Variants in ADAMTS16 observed in about 807,000 individuals in gnomAD.
ADAMTS16 encodes A disintegrin and metalloproteinase with thrombospondin motifs 16.
ADAMTS16 carries 94 observed loss-of-function variants against 145.8 expected under a neutral mutation model. That is an observed-to-expected ratio of 0.64 (90% CI 0.55 to 0.77). The LOEUF is 0.77. Among genes scored for constraint, ADAMTS16 ranks in the 30% least tolerant of loss-of-function variants. ADAMTS16 has a pLI of 0.00. For missense variants in ADAMTS16, 1,585 were observed against 1,591.5 expected (o/e 1.00, Z 0.07); for synonymous variants, 659 against 604.3 (o/e 1.09, Z -1.33).
At chr5:5,287,259 G>A (rs979404257) in intron 18 of ADAMTS16, among the ~76,000 whole-genome samples, 2 of 152,206 alleles carry the variant, frequency 1.3e-5, no homozygotes, top group African/African-American at 4.8e-5. Context: ...CAGAAAAACT[G>A]TCTGCAGCGT....
intron 8 of ADAMTS16, 97 bp from the exon 9 acceptor site, chr5:5,200,035 A>G: frequency 1.5e-6 from 2 of 1,376,422 alleles, no homozygotes; most frequent in Non-Finnish European, 1.9e-6. Context: ...GGGGTGAGGG[A>G]GTCTCACAGT....
At chr5:5,186,440 C>CAAA (rs1735501631) in intron 5 of ADAMTS16, among the ~76,000 whole-genome samples, 189 bp downstream of exon 5, 1 of 151,972 alleles carries the variant, frequency 6.6e-6, no homozygotes, top group Non-Finnish European at 1.5e-5. Flanking sequence ...GAGCCATTTT[C>CAAA]AGAACTTCAT....
At chr5:5,246,183 A>C (rs1737433408) in intron 17 of ADAMTS16, among the ~76,000 whole-genome samples, 1 of 152,212 alleles carries the variant, frequency 6.6e-6, no homozygotes, top group Admixed American at 6.5e-5. Flanking sequence ...ATTCCAAATC[A>C]CTAATCTTCA....
rs76163221 is a variant in ADAMTS16 at position 5,317,197 on chromosome 5, C to T, written c.3412-937C>T. On this transcript the variant is annotated intron_variant, in intron 21 of 22. Transcript: ENST00000274181. This position sits in a 1 kb window ranked among gnomAD's most constrained non-coding sequence, Gnocchi z 4.5. ...GGTCCCAGGTGGTAACATCAGCAAC[C>T]GTGTTCTCTGAAATACCGTAAATAG... 1.8e-4 allele frequency among the ~76,000 whole-genome samples: 28 copies of T among 152,242 alleles called. No homozygotes were observed. The East Asian group carries it at 5.2e-3, about 28-fold the overall frequency.
At chr5:5,181,394 T>G (rs1321868837) in intron 3 of ADAMTS16, among the ~76,000 whole-genome samples, 1 of 152,218 alleles carries the variant, frequency 6.6e-6, no homozygotes, top group African/African-American at 2.4e-5. Flanking sequence ...ATTTTGTCTC[T>G]CTACGATTTT....
intron 12 of ADAMTS16, among the ~76,000 whole-genome samples, chr5:5,233,840 T>C: frequency 6.6e-6 from 1 of 152,208 alleles, no homozygotes; most frequent in Non-Finnish European, 1.5e-5. Flanking sequence ...ATGATTTATA[T>C]TCCTTTGGAT....
At chr5:5,151,646 G>A (rs958316238) in intron 3 of ADAMTS16, among the ~76,000 whole-genome samples, 10 of 150,846 alleles carry the variant, frequency 6.6e-5, no homozygotes, top group African/African-American at 2.2e-4. Flanking sequence ...CTACAGCCAA[G>A]CAAATTTATC....
At chr5:5,155,715 G>A (rs1156798498) in intron 3 of ADAMTS16, among the ~76,000 whole-genome samples, 3 of 152,192 alleles carry the variant, frequency 2.0e-5, no homozygotes, top group Non-Finnish European at 4.4e-5. Context: ...GCCACAGCAA[G>A]GGTGAAGTGA....
At chr5:5,154,672 A>T (rs956041873) in intron 3 of ADAMTS16, among the ~76,000 whole-genome samples, 2 of 152,158 alleles carry the variant, frequency 1.3e-5, no homozygotes, top group African/African-American at 4.8e-5. Context: ...AGACAGGTCT[A>T]GGGTGCGTGT....
At chr5:5,277,524 C>T (rs1738748519) in intron 18 of ADAMTS16, among the ~76,000 whole-genome samples, 1 of 152,182 alleles carries the variant, frequency 6.6e-6, no homozygotes, top group Non-Finnish European at 1.5e-5. Context: ...ATGGGTTTGT[C>T]TGGATCCAAT....
chr5:5,145,980 G>A, intron 2 of ADAMTS16, 150 bp from the exon 3 acceptor site: 1 of 670,726 alleles, frequency 1.5e-6, no homozygotes, highest in East Asian at 2.7e-5. Context: ...TGCACACTTT[G>A]AATTCAGTAT....
chr5:5,140,719 C>A lies in ADAMTS16; in HGVS notation c.128C>A (p.Pro43Gln). 2 of 1,570,686 alleles carry A rather than the reference C, an allele frequency of 1.3e-6. No individual in the cohort carries two copies. The highest frequency in any genetic ancestry group is 4.6e-5 in the East Asian group (2 of 43,312). Residue 43 changes from proline to glutamine, a missense_variant, in exon 2 of 23, where the codon CCG (proline) becomes CAG (glutamine). This residue lies in a region of ADAMTS16 where 453 missense variants were observed against 412.1 expected (regional missense o/e 1.10). Transcript: ENST00000274181. ...AAAAPGSPSV[P>Q]RPPPPAERPG... is the part of the protein sequence containing the mutation. ...GCAGCGCCTGGGAGCCCGAGCGTCCCGCGTCCTCCTCCACCCGCGGAGCGG... is the reference window on the plus strand; with the variant it reads ...GCAGCGCCTGGGAGCCCGAGCGTCCAGCGTCCTCCTCCACCCGCGGAGCGG...
chr5:5,288,524 G>T (rs1313986392), intron 18 of ADAMTS16, among the ~76,000 whole-genome samples: 1 of 152,112 alleles, frequency 6.6e-6, no homozygotes, highest in Non-Finnish European at 1.5e-5. Context: ...AATCATTCAG[G>T]AATTTTCGGA....
At chr5:5,191,448 G>A (rs755053654) in intron 7 of ADAMTS16, among the ~76,000 whole-genome samples, 1 of 151,996 alleles carries the variant, frequency 6.6e-6, no homozygotes, top group African/African-American at 2.4e-5. Context: ...CACCACGAAC[G>A]TTACATAGAA....
intron 17 of ADAMTS16, among the ~76,000 whole-genome samples, chr5:5,260,138 T>G (rs570172979): frequency 4.6e-5 from 7 of 152,346 alleles, no homozygotes; most frequent in African/African-American, 1.4e-4. Context: ...CCCTCTTGCT[T>G]TTAGTCTGTA....
intron 3 of ADAMTS16, among the ~76,000 whole-genome samples, chr5:5,150,418 A>G (rs1303823353): frequency 6.6e-6 from 1 of 152,208 alleles, no homozygotes; most frequent in Non-Finnish European, 1.5e-5. Flanking sequence ...GCTGAAGCCT[A>G]GGAATCATCA....
intron 9 of ADAMTS16, among the ~76,000 whole-genome samples, 153 bp from the exon 10 acceptor site, chr5:5,208,940 G>C (rs914011649): frequency 7.9e-5 from 12 of 152,068 alleles, no homozygotes; most frequent in African/African-American, 2.7e-4. Context: ...ATTAAGATAA[G>C]TATTATATTG....
chr5:5,312,851 G>A (rs1030123326), intron 21 of ADAMTS16, among the ~76,000 whole-genome samples: 2 of 152,198 alleles, frequency 1.3e-5, no homozygotes, highest in Non-Finnish European at 2.9e-5. Flanking sequence ...TTCTCAGGCA[G>A]ATACTTTGCC....
At chr5:5,151,603 A>ACACG (rs1734459586) in intron 3 of ADAMTS16, among the ~76,000 whole-genome samples, 2 of 145,158 alleles carry the variant, frequency 1.4e-5, no homozygotes, top group Non-Finnish European at 3.0e-5. Flanking sequence ...TTATACACAC[A>ACACG]CACACGCACA....
Sources: allele counts gnomAD v4.1 joint callset (sites outside exome capture counted in the v4.1 genomes callset), GRCh38; gene constraint gnomAD v4.1.1; regional missense constraint gnomAD v4.1.1; non-coding constraint Gnocchi (gnomAD v3.1); transcripts MANE v1.5; gene names NCBI Gene and HGNC (gene_info 2026-07-23, HGNC 2026-07-21).